AGBL4: variants seen among roughly 807,000 people sequenced by gnomAD.
AGBL4 encodes the protein AGBL carboxypeptidase 4, also known as cytosolic carboxypeptidase 6.
In AGBL4, 58 loss-of-function variants were observed where a neutral mutation model predicts 66.4. The ratio of observed to expected loss-of-function variants is 0.87; its 90% CI spans 0.71 to 1.09. The LOEUF is 1.09. AGBL4 is among the 50% of genes least tolerant of loss of function. AGBL4 has a pLI of 0.00. For synonymous variants in AGBL4, 234 were observed against 222.9 expected, an observed-to-expected ratio of 1.05 and a Z score of -0.44; for missense variants, 579 against 631.0, an observed-to-expected ratio of 0.92 and a Z score of 0.88.
At position 48,556,393 on chromosome 1, in the gene AGBL4, T is replaced by C. The variant is rs115032707; in HGVS notation, c.1268-16655A>G. Among the ~76,000 whole-genome samples the C allele has an allele frequency of 3.8e-3, 581 of 152,358 alleles. 3 individuals are homozygous for C. The highest frequency in any genetic ancestry group is 0.013 in the African/African-American group (552 of 41,590). ...AATCAGGATCCACTCACTGTCAGGA[T>C]ATAAAACATGCCTGTTCCATGTCTC... On this transcript the variant is annotated intron_variant, in intron 11 of 13. Coordinates refer to ENST00000371839, the MANE Select transcript of AGBL4 (RefSeq NM_032785.4).
intron 3 of AGBL4, among the ~76,000 whole-genome samples, chr1:49,331,036 C>T (rs967018858): frequency 2.0e-5 from 3 of 152,140 alleles, no homozygotes; most frequent in Non-Finnish European, 4.4e-5. Context: ...CTATGCTTCT[C>T]CCACAGATCT....
chr1:49,716,312 T>C (rs900870716), intron 2 of AGBL4, among the ~76,000 whole-genome samples: 5 of 152,154 alleles, frequency 3.3e-5, no homozygotes, highest in African/African-American at 7.2e-5. Context: ...TTGGTCTATA[T>C]ATCTGTTTTG....
At chr1:48,877,533 C>CA (rs1337065163) in intron 5 of AGBL4, among the ~76,000 whole-genome samples, 1 of 150,782 alleles carries the variant, frequency 6.6e-6, no homozygotes, top group South Asian at 2.1e-4. Context: ...ATACTAATTC[C>CA]AAAAAAAGAA....
chr1:49,377,557 G>A (rs1241082540), intron 3 of AGBL4, among the ~76,000 whole-genome samples: 2 of 152,032 alleles, frequency 1.3e-5, no homozygotes. Context: ...GAACCATGAA[G>A]AGTCTGATAT....
At chr1:49,938,047 G>C (rs1654295084) in intron 1 of AGBL4, among the ~76,000 whole-genome samples, 1 of 150,048 alleles carries the variant, frequency 6.7e-6, no homozygotes, top group Admixed American at 6.7e-5. Context: ...AAAAATTAAT[G>C]AATCCAGGAG....
chr1:48,896,579 T>C (rs1342427297), intron 5 of AGBL4, among the ~76,000 whole-genome samples: 1 of 152,186 alleles, frequency 6.6e-6, no homozygotes, highest in Non-Finnish European at 1.5e-5. Context: ...GGTGAAGACA[T>C]TTAATAATGG....
chr1:49,019,196 A>G (rs1663054364), intron 5 of AGBL4, among the ~76,000 whole-genome samples: 1 of 151,752 alleles, frequency 6.6e-6, no homozygotes, highest in South Asian at 2.1e-4. Flanking sequence ...CTGTGGAAAA[A>G]CTCTGCTCTT....
chr1:49,039,181 T>C (rs955257561), intron 5 of AGBL4, among the ~76,000 whole-genome samples: 5 of 152,004 alleles, frequency 3.3e-5, no homozygotes, highest in Non-Finnish European at 7.4e-5. Context: ...ACAGGGGTTA[T>C]GGGAAGGGAA....
At chr1:48,572,613 G>A (rs1644584975) in intron 11 of AGBL4, among the ~76,000 whole-genome samples, 1 of 151,992 alleles carries the variant, frequency 6.6e-6, no homozygotes, top group Admixed American at 6.6e-5. Flanking sequence ...AAACAAAACG[G>A]GGAATGAAAG....
At chr1:49,389,780 A>G (rs967336222) in intron 3 of AGBL4, among the ~76,000 whole-genome samples, 6 of 152,196 alleles carry the variant, frequency 3.9e-5, no homozygotes, top group Non-Finnish European at 2.9e-5. Flanking sequence ...AAGGTTTCAT[A>G]TGACAAGGAA....
chr1:49,485,640 A>G (rs1647051430), intron 3 of AGBL4, among the ~76,000 whole-genome samples: 1 of 151,892 alleles, frequency 6.6e-6, no homozygotes, highest in Non-Finnish European at 1.5e-5. Flanking sequence ...TGAAATTAAA[A>G]AAAAAAAGAA....
chr1:49,236,504 A>G (rs1318015290), intron 4 of AGBL4, among the ~76,000 whole-genome samples: 2 of 152,130 alleles, frequency 1.3e-5, no homozygotes, highest in Non-Finnish European at 2.9e-5. Flanking sequence ...GAGAGATGGT[A>G]GTTAGGTGAA....
chr1:49,687,773 TA>T (rs1290482102), intron 3 of AGBL4, among the ~76,000 whole-genome samples: 1 of 150,626 alleles, frequency 6.6e-6, no homozygotes, highest in African/African-American at 2.4e-5. Context: ...AAAGCCTATC[TA>T]AAAAAAATAA....
At position 49,882,892 on chromosome 1, in the gene AGBL4, G is replaced by A. The variant is rs184461584; in HGVS notation, c.35-31374C>T. ...TAGCATTTGGTTGGTGGAGATTAGG[G>A]AGGCTAGTGGAGAGTCCTATACAAC... On this transcript the variant is annotated intron_variant, in intron 1 of 13. Coordinates refer to ENST00000371839, the MANE Select transcript of AGBL4 (RefSeq NM_032785.4). 2.6e-5 allele frequency among the ~76,000 whole-genome samples: 4 copies of A among 152,248 alleles called. No homozygotes were observed. In the East Asian group the frequency reaches 7.7e-4, roughly 29 times the overall value.
intron 2 of AGBL4, among the ~76,000 whole-genome samples, chr1:49,790,440 G>T (rs1473544122): frequency 6.6e-6 from 1 of 150,986 alleles, no homozygotes; most frequent in Non-Finnish European, 1.5e-5. Context: ...TTCAATCTAT[G>T]CAGATCATAC....
chr1:49,546,092 A>G (rs1652457918), intron 3 of AGBL4, among the ~76,000 whole-genome samples: 1 of 152,052 alleles, frequency 6.6e-6, no homozygotes, highest in African/African-American at 2.4e-5. Context: ...TTGCGTCCTC[A>G]TAGCTTACCT....
intron 1 of AGBL4, among the ~76,000 whole-genome samples, chr1:49,980,727 C>A (rs1372774897): frequency 6.6e-6 from 1 of 152,154 alleles, no homozygotes; most frequent in Non-Finnish European, 1.5e-5. Context: ...CTACTGTGAA[C>A]ATGAGTGTGC....
intron 2 of AGBL4, among the ~76,000 whole-genome samples, chr1:49,831,933 C>A (rs1571666043): frequency 6.6e-6 from 1 of 151,536 alleles, no homozygotes; most frequent in South Asian, 2.1e-4. Context: ...TATGTTGAAC[C>A]AGCCTTGCAT....
At chr1:49,176,130 C>T (rs958323101) in intron 4 of AGBL4, among the ~76,000 whole-genome samples, 3 of 151,990 alleles carry the variant, frequency 2.0e-5, no homozygotes, top group Admixed American at 6.6e-5. Context: ...TGATGATGAC[C>T]GGTGGTGGTG....
Sources: allele counts gnomAD v4.1 joint callset (sites outside exome capture counted in the v4.1 genomes callset), GRCh38; gene constraint gnomAD v4.1.1; transcripts MANE v1.5; gene names NCBI Gene and HGNC (gene_info 2026-07-23, HGNC 2026-07-21).